MCM3AP: variants seen among roughly 807,000 people sequenced by gnomAD.
MCM3AP encodes the protein minichromosome maintenance complex component 3 associated protein.
A neutral mutation model predicts 184.1 loss-of-function variants in MCM3AP; 126 were observed. That is an observed-to-expected ratio of 0.68 (90% CI 0.59 to 0.79). The LOEUF is 0.79. Ranked by LOEUF, MCM3AP falls within the 30% of genes least tolerant of loss-of-function variation. MCM3AP has a pLI of 0.00. For synonymous variants in MCM3AP, 1,002 were observed against 979.3 expected, an observed-to-expected ratio of 1.02 and a Z score of -0.43; for missense variants, 2,496 against 2,479.2, an observed-to-expected ratio of 1.01 and a Z score of -0.14.
chr21:46,283,073 G>A (rs9980631), intron 2 of MCM3AP, among the ~76,000 whole-genome samples: 2 of 151,782 alleles, frequency 1.3e-5, no homozygotes, highest in South Asian at 4.2e-4. Flanking sequence ...TGACAGGCGC[G>A]AGCCACCACA....
At position 46,285,523 on chromosome 21, in the gene MCM3AP, G is replaced by A. The variant is rs2081404721; in HGVS notation, c.-237C>T. ...GGCAAAGGGTTATTATTTTCTGAGA[G>A]CCGATAGGTTATTTTGTTGGAGGGT... is the stretch of plus-strand genomic sequence containing the variant. On this transcript the variant is annotated 5_prime_UTR_variant, in exon 1 of 28. Coordinates refer to ENST00000291688, the MANE Select transcript of MCM3AP (RefSeq NM_003906.5). 2.0e-6 allele frequency: 1 copy of A among 509,980 alleles called. No individual in the cohort carries two copies. Among genetic ancestry groups the A allele is most frequent in the Non-Finnish European group, 3.5e-6 (1 of 288,756 alleles). The allele number at this position is 509,980 out of a possible 1,614,324, so 31.6% of individuals were successfully genotyped here.
chr21:46,249,033 G>T (rs2080826197), intron 20 of MCM3AP, among the ~76,000 whole-genome samples: 1 of 152,164 alleles, frequency 6.6e-6, no homozygotes, highest in Non-Finnish European at 1.5e-5. Context: ...TGCACAGTGA[G>T]TGAAGCTAGT....
Position 46,266,002 on chromosome 21 carries a change from G to C in MCM3AP, c.2954C>G (p.Ser985Cys). ...PRHTPVCSFN[S>C]QNKYIGESLA... ...GCTCTCCCCGATGTACTTGTTCTGG[G>C]AGTTGAAGCTGCACACAGGGGTATG... The change falls in exon 11 of 28, where the codon TCC (serine) becomes TGC (cysteine). Residue 985 changes from serine to cysteine, a missense_variant. Ser to Cys is a moderately radical substitution (Grantham distance 112). Around this residue, in one of 5 missense-constraint regions of MCM3AP, gnomAD observed 1,323 missense variants for 1,273.4 expected, o/e 1.04. Coordinates refer to ENST00000291688, the MANE Select transcript of MCM3AP (RefSeq NM_003906.5). The C allele has an allele frequency of 6.2e-7, 1 of 1,609,178 alleles. No homozygotes were observed. The highest frequency in any genetic ancestry group is 8.5e-7 in the Non-Finnish European group (1 of 1,177,474).
At chr21:46,277,094 G>A (rs2081266019) in intron 5 of MCM3AP, among the ~76,000 whole-genome samples, 2 of 152,128 alleles carry the variant, frequency 1.3e-5, no homozygotes, top group African/African-American at 4.8e-5. Context: ...AGAAGTACCT[G>A]TGTTTTTTCC....
Position 46,270,576 on chromosome 21 carries a change from G to A in MCM3AP, c.2466-13C>T, listed in dbSNP as rs1005020313. 1 of 1,575,932 alleles carries A rather than the reference G, an allele frequency of 6.3e-7. No individual in the cohort carries two copies. The highest frequency in any genetic ancestry group is 8.6e-7 in the Non-Finnish European group (1 of 1,162,740). Reference sequence around the variant, plus strand: ...CTGTTGTACTTCTCTGTTAATTAAAGGAGAGAAAAGGGGTTGGAATGTTAT... The same window carrying A: ...CTGTTGTACTTCTCTGTTAATTAAAAGAGAGAAAAGGGGTTGGAATGTTAT... On this transcript the variant is annotated splice_polypyrimidine_tract_variant and intron_variant, in intron 8 of 27. Coordinates refer to ENST00000291688, the MANE Select transcript of MCM3AP (RefSeq NM_003906.5).
chr21:46,273,369 G>T lies in MCM3AP; in HGVS notation c.2196+19C>A. ...ATTTGCGTGGATTTTTTAGCATCCA[G>T]GTTGGAGGCAGCCAATACCTTCCGT... is the stretch of plus-strand genomic sequence containing the variant. On this transcript the variant is annotated intron_variant, in intron 7 of 27. Transcript: ENST00000291688. The T allele has an allele frequency of 6.2e-7, 1 of 1,608,434 alleles. No homozygotes were observed. The highest frequency in any genetic ancestry group is 1.1e-5 in the South Asian group (1 of 90,918).
intron 1 of MCM3AP, 24 bp from the exon 2 acceptor site, chr21:46,283,862 T>C (rs968887519): frequency 1.3e-6 from 2 of 1,596,016 alleles, no homozygotes; most frequent in African/African-American, 2.7e-5. Flanking sequence ...GAATGGACAC[T>C]TAAACCATCA....
upstream of MCM3AP, chr21:46,285,612 T>TAAAA (rs545633278): frequency 1.1e-5 from 2 of 183,048 alleles, no homozygotes; most frequent in Non-Finnish European, 1.1e-5. Context: ...CCTTTAAGAT[T>TAAAA]AAAAAAAAAA....
At chr21:46,258,245 C>T (rs754575831) in intron 16 of MCM3AP, among the ~76,000 whole-genome samples, 2 of 152,338 alleles carry the variant, frequency 1.3e-5, no homozygotes, top group Non-Finnish European at 2.9e-5. Context: ...CCCTTTTATA[C>T]TGTTCCAACT....
Position 46,244,976 on chromosome 21 carries a change from C to T in MCM3AP, c.4869G>A (p.Val1623=), listed in dbSNP as rs2080739463. ...NSVLQFLASV[V]SSEQLCDLSW... ...ACAGGTCACACAGCTGTTCAGAGGA[C>T]ACCACAGAAGCCAGGAACTGCAGCA... is the stretch of plus-strand genomic sequence containing the variant. Residue 1623 remains valine, a synonymous_variant, in exon 23 of 28, where the codon GTG becomes GTA. Coordinates refer to ENST00000291688, the MANE Select transcript of MCM3AP (RefSeq NM_003906.5). 6.2e-7 allele frequency: 1 copy of T among 1,614,220 alleles called. No homozygotes were observed. The highest frequency in any genetic ancestry group is 2.2e-5 in the East Asian group (1 of 44,884).
intron 16 of MCM3AP, among the ~76,000 whole-genome samples, chr21:46,258,737 A>ATGTGTGTGTGTGTGTGTGTGTGTGTGTG (rs55695472): frequency 6.7e-6 from 1 of 150,086 alleles, no homozygotes; most frequent in Non-Finnish European, 1.5e-5. Flanking sequence ...CTTATATTGT[A>ATGTGTGTGTGTGTGTGTGTGTGTGTGTG]TGTGTGTGTG....
intron 15 of MCM3AP, among the ~76,000 whole-genome samples, chr21:46,260,077 A>T (rs978988609): frequency 6.8e-6 from 1 of 146,200 alleles, no homozygotes; most frequent in Non-Finnish European, 1.5e-5. Flanking sequence ...CTCCGTCTTT[A>T]AAAAAAAAAA....
rs890088789 is a variant in MCM3AP at position 46,285,413 on chromosome 21, G to C, written c.-127C>G. The C allele has an allele frequency of 3.0e-6, 2 of 663,892 alleles. No homozygotes were observed. Among genetic ancestry groups the C allele is most frequent in the African/African-American group, 1.8e-5 (1 of 55,310 alleles). 41.1% of individuals were successfully genotyped at this position (663,892 alleles called of 1,614,324 possible). Reference sequence around the variant, plus strand: ...GAACAAGCTGAAAGAGAAAAATTCAGATCATCATAGCTATGTTCTGCTACA... The same window carrying C: ...GAACAAGCTGAAAGAGAAAAATTCACATCATCATAGCTATGTTCTGCTACA... On this transcript the variant is annotated 5_prime_UTR_variant, in exon 1 of 28. The change creates a new upstream start codon in the 5' untranslated region. Coordinates refer to ENST00000291688, the MANE Select transcript of MCM3AP (RefSeq NM_003906.5).
chr21:46,240,138 TTGAA>T (rs2080631509), intron 26 of MCM3AP, among the ~76,000 whole-genome samples: 1 of 152,066 alleles, frequency 6.6e-6, no homozygotes. Context: ...GAGATACTCA[TTGAA>T]TGAATGTCCT....
chr21:46,242,695 C>T (rs1284706440), intron 25 of MCM3AP, 107 bp downstream of exon 25: 1 of 1,114,676 alleles, frequency 9.0e-7, no homozygotes, highest in Non-Finnish European at 1.3e-6. Flanking sequence ...TTGTCACAGT[C>T]TGCCCACAGT....
intron 5 of MCM3AP, among the ~76,000 whole-genome samples, chr21:46,276,632 G>T (rs1301325694): frequency 1.3e-5 from 2 of 151,486 alleles, no homozygotes; most frequent in Non-Finnish European, 2.9e-5. Flanking sequence ...GTAGAGATGG[G>T]GTTTTTCCAT....
intron 20 of MCM3AP, chr21:46,247,114 C>A: frequency 2.0e-6 from 1 of 497,264 alleles, no homozygotes; most frequent in Non-Finnish European, 3.5e-6. Context: ...AGCAAAGACT[C>A]CCCTCAACCT....
In MCM3AP at chr21:46,283,665, T is replaced by A. The variant is rs764375220; in HGVS notation, c.1393A>T (p.Ile465Phe). Residue 465 changes from isoleucine to phenylalanine, a missense_variant, in exon 2 of 28, where the codon ATC becomes TTC. Physicochemically the swap from Ile to Phe is conservative, Grantham distance 21. Coordinates refer to ENST00000291688, the MANE Select transcript of MCM3AP (RefSeq NM_003906.5). Reference protein sequence around the residue: ...HFGKIAKVQRIFTRRSKKLAV... With the variant: ...HFGKIAKVQRFFTRRSKKLAV... ...AGCTTTTTGCTGCGCCTGGTAAAGA[T>A]GCGCTGCACTTTAGCAATTTTGCCA... is the stretch of plus-strand genomic sequence containing the variant. The A allele has an allele frequency of 1.9e-6, 3 of 1,614,042 alleles. No individual in the cohort carries two copies. Among genetic ancestry groups the A allele is most frequent in the Non-Finnish European group, 1.7e-6 (2 of 1,180,012 alleles).
chr21:46,265,425 G>A lies in MCM3AP; in HGVS notation c.3130C>T (p.Pro1044Ser). 1 of 1,614,096 alleles carries A rather than the reference G, an allele frequency of 6.2e-7. No individual in the cohort carries two copies. Among genetic ancestry groups the A allele is most frequent in the Non-Finnish European group, 8.5e-7 (1 of 1,179,990 alleles). Residue 1044 changes from proline (P) to serine (S), a missense_variant, in exon 12 of 28, where the codon CCT becomes TCT. By Grantham distance (74) the Pro-to-Ser change is moderately conservative. Transcript: ENST00000291688. The part of the protein sequence containing the change: ...PAPAPSPVPL[P>S]PVLALTPSVA... Reference sequence around the variant, plus strand: ...GACGGGGTCAGTGCCAGGACAGGAGGCAGAGGCACTGGTGAGGGCGCAGGG... The same window carrying A: ...GACGGGGTCAGTGCCAGGACAGGAGACAGAGGCACTGGTGAGGGCGCAGGG...
Sources: gnomAD v4.1 joint callset for allele counts (sites outside exome capture counted in the v4.1 genomes callset) on GRCh38, gnomAD v4.1.1 for gene constraint, gnomAD v4.1.1 regional missense constraint, MANE v1.5 for transcripts, NCBI Gene and HGNC (gene_info 2026-07-23, HGNC 2026-07-21) for gene names.